The following SKAP1 variants were observed in gnomAD, a reference collection of about 807,000 sequenced individuals.
SKAP1 encodes src kinase-associated phosphoprotein 1.
A neutral mutation model predicts 58.5 loss-of-function variants in SKAP1; 44 were observed. The ratio of observed to expected loss-of-function variants is 0.75; its 90% CI spans 0.59 to 0.97. The LOEUF (loss-of-function observed/expected upper bound fraction) is 0.97, where lower values mean the gene tolerates loss of function less well. Ranked by LOEUF, SKAP1 falls within the 50% of genes least tolerant of loss-of-function variation. The pLI, the probability that SKAP1 is intolerant of heterozygous loss-of-function variation, is 0.00. For missense variants in SKAP1, 390 were observed against 435.2 expected, an observed-to-expected ratio of 0.90 and a Z score of 0.92; for synonymous variants, 127 against 149.7, an observed-to-expected ratio of 0.85 and a Z score of 1.11.
At chr17:48,284,657 C>T (rs965496541) in intron 4 of SKAP1, among the ~76,000 whole-genome samples, 4 of 152,176 alleles carry the variant, frequency 2.6e-5, no homozygotes, top group African/African-American at 9.7e-5. Flanking sequence ...GGGATCTATA[C>T]ATCTTTGACA....
At chr17:48,166,151 T>G (rs4794488) in intron 10 of SKAP1, among the ~76,000 whole-genome samples, 16,593 of 152,158 alleles carry the variant, frequency 0.11, 1,089 homozygotes, top group Middle Eastern at 0.17. Context: ...ATCACTGCAT[T>G]TAAATTGCTA....
At chr17:48,434,091 G>A (rs1391198064), upstream of SKAP1, among the ~76,000 whole-genome samples, 1 of 152,224 alleles carries the variant, frequency 6.6e-6, no homozygotes, top group East Asian at 1.9e-4. Context: ...GCTGGGTCAT[G>A]ACATGTGGCG....
At chr17:48,339,893 C>T (rs151320851) in intron 4 of SKAP1, among the ~76,000 whole-genome samples, 185 of 152,148 alleles carry the variant, frequency 1.2e-3, no homozygotes, top group African/African-American at 4.4e-3. Flanking sequence ...AGTATAAAGT[C>T]TACCAGTGGC....
chr17:48,185,461 T>C (rs2064436522), intron 6 of SKAP1, among the ~76,000 whole-genome samples: 1 of 151,888 alleles, frequency 6.6e-6, no homozygotes, highest in South Asian at 2.1e-4. Context: ...AGGAAGGAGA[T>C]AAAAGGAAAA....
At chr17:48,292,633 T>C (rs1486726992) in intron 4 of SKAP1, among the ~76,000 whole-genome samples, 1 of 152,212 alleles carries the variant, frequency 6.6e-6, no homozygotes, top group Non-Finnish European at 1.5e-5. Context: ...CATATTTGGA[T>C]GAGTATTATA....
At chr17:48,251,409 C>T (rs1055070462) in intron 4 of SKAP1, among the ~76,000 whole-genome samples, 2 of 152,166 alleles carry the variant, frequency 1.3e-5, no homozygotes, top group African/African-American at 4.8e-5. Flanking sequence ...GCACCATTCA[C>T]ATTGTTATAG....
intron 1 of SKAP1, among the ~76,000 whole-genome samples, chr17:48,403,432 CAT>C (rs749555162): frequency 3.1e-4 from 47 of 150,714 alleles, no homozygotes; most frequent in East Asian, 9.7e-4. Flanking sequence ...AATATATATA[CAT>C]ATATATATAT....
chr17:48,335,680 C>G (rs984517934), intron 4 of SKAP1, among the ~76,000 whole-genome samples: 1 of 151,936 alleles, frequency 6.6e-6, no homozygotes, highest in Non-Finnish European at 1.5e-5. Context: ...GTTAGAAATG[C>G]TAACCACATC....
At chr17:48,144,335 G>A (rs1215347915) in intron 11 of SKAP1, among the ~76,000 whole-genome samples, 1 of 152,046 alleles carries the variant, frequency 6.6e-6, no homozygotes, top group African/African-American at 2.4e-5. Flanking sequence ...ACCCCCATGC[G>A]TTGCTCCAGC....
At chr17:48,391,468 C>G (rs4793816) in intron 2 of SKAP1, among the ~76,000 whole-genome samples, 93,893 of 151,988 alleles carry the variant, frequency 0.62, 29,753 homozygotes, top group African/African-American at 0.76. Context: ...CAGATTAAAA[C>G]AGCAATAAAT....
At chr17:48,196,082 G>A (rs2064624834) in intron 4 of SKAP1, among the ~76,000 whole-genome samples, 1 of 152,272 alleles carries the variant, frequency 6.6e-6, no homozygotes, top group South Asian at 2.1e-4. Context: ...ATATCCCTAT[G>A]AGGCATGTTT....
At chr17:48,238,635 A>G (rs2065208921) in intron 4 of SKAP1, among the ~76,000 whole-genome samples, 1 of 152,120 alleles carries the variant, frequency 6.6e-6, no homozygotes, top group South Asian at 2.1e-4. Flanking sequence ...AGCCTCCCAA[A>G]GTATTGGGAT....
chr17:48,188,694 A>G (rs1022800496), intron 5 of SKAP1, among the ~76,000 whole-genome samples: 4 of 151,750 alleles, frequency 2.6e-5, no homozygotes, highest in Non-Finnish European at 4.4e-5. Context: ...TTAAAACAAA[A>G]AAAGAAAGAA....
the SKAP1 span, among the ~76,000 whole-genome samples, chr17:48,437,137 G>C: frequency 1.2e-4 from 19 of 152,228 alleles, no homozygotes; most frequent in African/African-American, 4.6e-4. Context: ...CCTTTGTACA[G>C]ATTGCTTTGC....
intron 1 of SKAP1, among the ~76,000 whole-genome samples, chr17:48,421,349 G>A (rs1289112445): frequency 2.0e-5 from 3 of 149,206 alleles, no homozygotes; most frequent in Non-Finnish European, 4.4e-5. Flanking sequence ...CACCCAGGCT[G>A]GAGTGCAACG....
At chr17:48,174,427 A>G (rs1349939070) in intron 9 of SKAP1, among the ~76,000 whole-genome samples, 6 of 151,830 alleles carry the variant, frequency 4.0e-5, no homozygotes. Context: ...ACCCCTAGAC[A>G]CCTCCCTAGG....
intron 3 of SKAP1, among the ~76,000 whole-genome samples, chr17:48,355,470 G>A (rs573704618): frequency 6.6e-6 from 1 of 152,182 alleles, no homozygotes; most frequent in African/African-American, 2.4e-5. Flanking sequence ...TAAAGATGGG[G>A]TCTCTCTGTA....
intron 4 of SKAP1, among the ~76,000 whole-genome samples, chr17:48,266,517 T>TC (rs1431069919): frequency 6.7e-6 from 1 of 150,208 alleles, no homozygotes; most frequent in East Asian, 1.9e-4. Context: ...TACTTTCTTT[T>TC]TTTTTTTTTT....
At chr17:48,295,131 C>G (rs1208519073) in intron 4 of SKAP1, among the ~76,000 whole-genome samples, 3 of 152,142 alleles carry the variant, frequency 2.0e-5, no homozygotes, top group African/African-American at 7.2e-5. Context: ...AGAAAGCCCT[C>G]TGCTAGACTC....
Sources: gnomAD v4.1 joint callset for allele counts (sites outside exome capture counted in the v4.1 genomes callset) on GRCh38, gnomAD v4.1.1 for gene constraint, MANE v1.5 for transcripts, NCBI Gene and HGNC (gene_info 2026-07-23, HGNC 2026-07-21) for gene names.